NAV3: variants seen among roughly 807,000 people sequenced by gnomAD.
NAV3 encodes the protein pore membrane and/or filament interacting like protein 1.
In NAV3, 87 loss-of-function variants were observed where a neutral mutation model predicts 244.7. The ratio of observed to expected loss-of-function variants is 0.36; its 90% confidence interval spans 0.30 to 0.42. The LOEUF is 0.42. Ranked by LOEUF, NAV3 falls within the 20% of genes least tolerant of loss-of-function variation. The pLI is 1.00. For synonymous variants in NAV3, 1,126 were observed against 1,042.2 expected, an observed-to-expected ratio of 1.08 and a Z score of -1.55; for missense variants, 2,663 against 2,893.3, an observed-to-expected ratio of 0.92 and a Z score of 1.83.
chr12:78,046,853 T>C (rs1370213605), intron 9 of NAV3, among the ~76,000 whole-genome samples: 1 of 152,130 alleles, frequency 6.6e-6, no homozygotes, highest in African/African-American at 2.4e-5. Flanking sequence ...CCACTATTAT[T>C]GTGTGGGAGT....
At chr12:78,095,322 C>T (rs1593558976) in intron 12 of NAV3, among the ~76,000 whole-genome samples, 1 of 151,928 alleles carries the variant, frequency 6.6e-6, no homozygotes, top group African/African-American at 2.4e-5. Context: ...TCAATTCAAA[C>T]TCAACTCTTG....
chr12:78,189,948 C>A, intron 33 of NAV3, 36 bp from the exon 34 acceptor site: 1 of 1,478,780 alleles, frequency 6.8e-7, no homozygotes, highest in Non-Finnish European at 9.4e-7. Context: ...TTATGTAGAA[C>A]AATAAATCAT....
At chr12:77,580,801 G>A (rs1869327274) in intron 2 of NAV3, among the ~76,000 whole-genome samples, 1 of 152,118 alleles carries the variant, frequency 6.6e-6, no homozygotes, top group Admixed American at 6.6e-5. Context: ...ACGTGATAAA[G>A]CAAACATAAT....
intron 9 of NAV3, among the ~76,000 whole-genome samples, chr12:78,043,510 G>T (rs1881240043): frequency 1.3e-5 from 2 of 152,136 alleles, no homozygotes; most frequent in Non-Finnish European, 2.9e-5. Context: ...TTGCCACACT[G>T]TCTTCCACAG....
chr12:77,817,375 CT>C (rs557754769), intron 2 of NAV3, among the ~76,000 whole-genome samples: 107 of 152,248 alleles, frequency 7.0e-4, no homozygotes, highest in African/African-American at 2.5e-3. Flanking sequence ...GCCAGAGATG[CT>C]TTGTTTAAAT....
chr12:77,686,808 A>G (rs1178160002), intron 2 of NAV3, among the ~76,000 whole-genome samples: 1 of 152,018 alleles, frequency 6.6e-6, no homozygotes, highest in Non-Finnish European at 1.5e-5. Flanking sequence ...CTATTTTAAC[A>G]CCTTTCCAAA....
chr12:77,670,033 T>TA (rs1359760069), intron 2 of NAV3, among the ~76,000 whole-genome samples: 1 of 151,792 alleles, frequency 6.6e-6, no homozygotes, highest in African/African-American at 2.4e-5. Context: ...AAAAGGTAAA[T>TA]AAAATTGATA....
intron 2 of NAV3, among the ~76,000 whole-genome samples, chr12:77,691,327 G>GTTTATATATATA (rs1565774001): frequency 1.0e-4 from 1 of 10,044 alleles, no homozygotes; most frequent in Non-Finnish European, 2.6e-4. Flanking sequence ...ATAAGTATTT[G>GTTTATATATATA]TGTATGTGTG....
At chr12:78,101,110 T>C (rs557062498) in intron 12 of NAV3, among the ~76,000 whole-genome samples, 8 of 152,318 alleles carry the variant, frequency 5.3e-5, no homozygotes, top group Admixed American at 5.2e-4. Context: ...AGTTTGTGAC[T>C]ATGTAAGATT....
chr12:77,779,307 T>C (rs1253457515), intron 2 of NAV3, among the ~76,000 whole-genome samples: 3 of 152,158 alleles, frequency 2.0e-5, no homozygotes, highest in African/African-American at 4.8e-5. Flanking sequence ...TCTCAAAGGG[T>C]GTAAAACCAA....
At chr12:78,075,766 C>A (rs868658364) in intron 12 of NAV3, among the ~76,000 whole-genome samples, 3 of 152,110 alleles carry the variant, frequency 2.0e-5, no homozygotes, top group African/African-American at 7.2e-5. Context: ...TAATTATTGC[C>A]TACCTCCAAA....
intron 1 of NAV3, among the ~76,000 whole-genome samples, chr12:77,863,272 TATCTC>T (rs897313189): frequency 1.4e-4 from 22 of 152,010 alleles, no homozygotes; most frequent in African/African-American, 5.3e-4. Flanking sequence ...ATTTTTAACT[TATCTC>T]AAGATTGTTA....
chr12:77,797,116 A>G (rs1373713334), intron 2 of NAV3, among the ~76,000 whole-genome samples: 1 of 152,222 alleles, frequency 6.6e-6, no homozygotes, highest in Admixed American at 6.5e-5. Context: ...ATGGGTGTAC[A>G]ATGCCTACCA....
chr12:77,681,800 C>T (rs1399780867), intron 2 of NAV3, among the ~76,000 whole-genome samples: 2 of 152,122 alleles, frequency 1.3e-5, no homozygotes, highest in Non-Finnish European at 2.9e-5. Context: ...CCTCTCTCTC[C>T]CAGAGGAAAT....
At chr12:77,940,997 T>C (rs1889814702) in intron 2 of NAV3, 84 bp from the exon 3 acceptor site, 1 of 876,604 alleles carries the variant, frequency 1.1e-6, no homozygotes, top group Non-Finnish European at 1.8e-6. Context: ...ATTTTTTTTT[T>C]CCTGTTTTCG....
chr12:77,987,185 T>C (rs1870664915), intron 5 of NAV3, among the ~76,000 whole-genome samples: 1 of 152,174 alleles, frequency 6.6e-6, no homozygotes. Flanking sequence ...ATACAGATTC[T>C]ATAATATCTT....
intron 2 of NAV3, among the ~76,000 whole-genome samples, chr12:77,792,072 T>C (rs1161922425): frequency 6.6e-6 from 1 of 152,246 alleles, no homozygotes; most frequent in African/African-American, 2.4e-5. Context: ...AAGTCTTTCA[T>C]CATTATCTGT....
intron 3 of NAV3, among the ~76,000 whole-genome samples, chr12:77,960,925 ATATAT>A (rs1326400587): frequency 2.0e-5 from 3 of 146,786 alleles, no homozygotes; most frequent in Non-Finnish European, 4.5e-5. Context: ...CATGTGTTTA[ATATAT>A]TATGTGTATA....
intron 5 of NAV3, among the ~76,000 whole-genome samples, chr12:77,984,475 A>G (rs1256591594): frequency 3.5e-5 from 3 of 84,656 alleles, no homozygotes; most frequent in African/African-American, 1.5e-4. Flanking sequence ...ACTGTCAAGT[A>G]TGCATTTTTT....
Sources: gnomAD v4.1 joint callset for allele counts (sites outside exome capture counted in the v4.1 genomes callset) on GRCh38, gnomAD v4.1.1 for gene constraint, MANE v1.5 for transcripts, NCBI Gene and HGNC (gene_info 2026-07-23, HGNC 2026-07-21) for gene names.